LIPA: variants seen among roughly 807,000 people sequenced by gnomAD.
LIPA encodes lysosomal acid lipase/cholesteryl ester hydrolase.
LIPA carries 26 observed loss-of-function variants against 40.6 expected under a neutral mutation model. The observed-to-expected ratio is 0.64, with a 90% CI of 0.47 to 0.89. The LOEUF (loss-of-function observed/expected upper bound fraction) is 0.89. Among genes scored for constraint, LIPA ranks in the 40% least tolerant of loss-of-function variants. LIPA has a pLI of 0.00. For synonymous variants in LIPA, 188 were observed against 168.4 expected, an observed-to-expected ratio of 1.12 and a Z score of -0.90; for missense variants, 455 against 479.6, an observed-to-expected ratio of 0.95 and a Z score of 0.48.
chr10:89,370,742 G>A (rs1410180892), intron 2 of LIPA, among the ~76,000 whole-genome samples: 1 of 152,182 alleles, frequency 6.6e-6, no homozygotes, highest in African/African-American at 2.4e-5. Context: ...CAGGGGCCAA[G>A]TGTGGTGGCT....
intron 1 of LIPA, chr10:89,306,194 T>A (rs761068359): frequency 6.2e-7 from 1 of 1,613,872 alleles, no homozygotes; most frequent in Non-Finnish European, 8.5e-7. Context: ...AGCTGAAGAG[T>A]TAATCCAGCA....
intron 8 of LIPA, among the ~76,000 whole-genome samples, chr10:89,219,120 C>A (rs1000652245): frequency 6.6e-6 from 1 of 151,908 alleles, no homozygotes; most frequent in Admixed American, 6.6e-5. Context: ...ACTGAATATC[C>A]TTTTTACAGT....
At chr10:89,334,769 G>A (rs941886120) in intron 1 of LIPA, among the ~76,000 whole-genome samples, 4 of 151,884 alleles carry the variant, frequency 2.6e-5, no homozygotes, top group African/African-American at 9.7e-5. Context: ...GGGATTACAG[G>A]TGTGAGCCAC....
intron 2 of LIPA, among the ~76,000 whole-genome samples, chr10:89,371,981 C>A (rs1844094096): frequency 6.6e-6 from 1 of 152,190 alleles, no homozygotes; most frequent in Non-Finnish European, 1.5e-5. Context: ...CATGTTCTCA[C>A]TCACCAGTGG....
chr10:89,270,977 T>C (rs1376692925), intron 1 of LIPA, among the ~76,000 whole-genome samples: 3 of 152,228 alleles, frequency 2.0e-5, no homozygotes, highest in Non-Finnish European at 4.4e-5. Flanking sequence ...AATTGGATGT[T>C]ATCTGACCCA....
intron 2 of LIPA, among the ~76,000 whole-genome samples, chr10:89,349,131 C>A (rs1843942902): frequency 6.6e-6 from 1 of 152,172 alleles, no homozygotes; most frequent in African/African-American, 2.4e-5. Context: ...AAAAGGAACT[C>A]AGATGTCATG....
intron 1 of LIPA, among the ~76,000 whole-genome samples, chr10:89,286,446 T>A (rs1480884779): frequency 1.3e-5 from 2 of 152,156 alleles, no homozygotes; most frequent in Non-Finnish European, 2.9e-5. Flanking sequence ...GCTTCCAGTT[T>A]CGTTCTGCGA....
chr10:89,346,499 C>G (rs1185890315), upstream of LIPA, among the ~76,000 whole-genome samples: 1 of 152,214 alleles, frequency 6.6e-6, no homozygotes, highest in Admixed American at 6.5e-5. Flanking sequence ...ATGATTTTCT[C>G]TTTGCCATGG....
At chr10:89,390,911 C>T (rs1438819523) in intron 2 of LIPA, among the ~76,000 whole-genome samples, 1 of 152,230 alleles carries the variant, frequency 6.6e-6, no homozygotes, top group African/African-American at 2.4e-5. Flanking sequence ...TCTGTTTCAG[C>T]ATTTGCTTAT....
intron 2 of LIPA, among the ~76,000 whole-genome samples, chr10:89,246,023 C>A (rs1379436991): frequency 6.6e-6 from 1 of 152,136 alleles, no homozygotes; most frequent in Non-Finnish European, 1.5e-5. Flanking sequence ...TCAGTTTCAT[C>A]ATTCTAGCAT....
At chr10:89,399,689 T>C (rs562947533) in intron 2 of LIPA, among the ~76,000 whole-genome samples, 2 of 152,330 alleles carry the variant, frequency 1.3e-5, no homozygotes, top group African/African-American at 4.8e-5. Context: ...TGTTATGGAA[T>C]GAATTGTGCA....
chr10:89,286,695 C>T (rs1024488595), intron 1 of LIPA, among the ~76,000 whole-genome samples: 12 of 152,154 alleles, frequency 7.9e-5, no homozygotes, highest in African/African-American at 1.9e-4. Context: ...TCTCAATATA[C>T]GTTTTATTAC....
At chr10:89,362,841 A>G (rs1844031593) in intron 2 of LIPA, 2 of 357,630 alleles carry the variant, frequency 5.6e-6, no homozygotes, top group East Asian at 9.4e-5. Flanking sequence ...TGAATTCAGC[A>G]CTGGGTATGT....
chr10:89,294,150 A>G (rs934202641), intron 1 of LIPA, among the ~76,000 whole-genome samples: 5 of 152,238 alleles, frequency 3.3e-5, no homozygotes, highest in African/African-American at 4.8e-5. Context: ...TTTATTTAGC[A>G]TGGTCTTATT....
Position 89,214,045 on chromosome 10 carries a change from G to C in LIPA, c.*783C>G, listed in dbSNP as rs1334290003. 1.3e-5 allele frequency: 2 copies of C among 152,218 alleles called. No individual in the cohort carries two copies. The highest frequency in any genetic ancestry group is 2.9e-5 in the Non-Finnish European group (2 of 68,052). The allele number at this position is 152,218 out of a possible 1,614,324, so 9.4% of individuals were successfully genotyped here. Reference sequence around the variant, plus strand: ...AGTGGTATAGTCTCCACAGGGATTTGCTTCTCAGATAAGTAGAACTATGGC... The same window carrying C: ...AGTGGTATAGTCTCCACAGGGATTTCCTTCTCAGATAAGTAGAACTATGGC... On this transcript the variant is annotated 3_prime_UTR_variant, in exon 10 of 10. Transcript: ENST00000336233.
At chr10:89,403,282 A>G in intron 2 of LIPA, 1 of 1,614,208 alleles carries the variant, frequency 6.2e-7, no homozygotes, top group Non-Finnish European at 8.5e-7. Flanking sequence ...GTGGAAAAAA[A>G]GCCCACATTT....
In LIPA at chr10:89,401,506, G is replaced by A. The variant is rs1564809810; in HGVS notation, c.61+11285C>T. On this transcript the variant is annotated intron_variant, in intron 2 of 8. Coordinates refer to the LIPA transcript ENST00000371837. ...GGGTTAGGGGAGTACAGGTGAGGAGGTGACAGATGTGACCATAAAGGGGTA... is the reference window on the plus strand; with the variant it reads ...GGGTTAGGGGAGTACAGGTGAGGAGATGACAGATGTGACCATAAAGGGGTA... 2.6e-5 allele frequency among the ~76,000 whole-genome samples: 4 copies of A among 152,234 alleles called. No individual in the cohort carries two copies. In the South Asian group the frequency reaches 6.2e-4, roughly 24 times the overall value.
chr10:89,338,718 C>G (rs1843789275), intron 1 of LIPA: 1 of 1,613,764 alleles, frequency 6.2e-7, no homozygotes, highest in African/African-American at 1.3e-5. Context: ...GCCATTTCAC[C>G]TGGAACTTAT....
chr10:89,346,644 T>C (rs571547289), upstream of LIPA, among the ~76,000 whole-genome samples: 8 of 152,200 alleles, frequency 5.3e-5, no homozygotes, highest in Non-Finnish European at 1.2e-4. Flanking sequence ...GGGAAAGACA[T>C]TGACTCCAGT....
Sources: gnomAD v4.1 joint callset for allele counts (sites outside exome capture counted in the v4.1 genomes callset) on GRCh38, gnomAD v4.1.1 for gene constraint, MANE v1.5 for transcripts, NCBI Gene and HGNC (gene_info 2026-07-23, HGNC 2026-07-21) for gene names.